Variants in PNLDC1 observed in about 807,000 individuals in gnomAD.
The protein encoded by PNLDC1 is PARN like ribonuclease domain containing exonuclease 1, also known as poly(A)-specific ribonuclease PNLDC1.
A neutral mutation model predicts 82.0 loss-of-function variants in PNLDC1; 70 were observed. The observed-to-expected ratio is 0.85, with a 90% CI of 0.70 to 1.04. The LOEUF is 1.04. PNLDC1 is among the 50% of genes least tolerant of loss of function. PNLDC1 has a pLI of 0.00. For synonymous variants in PNLDC1, 280 were observed against 249.3 expected (o/e 1.12, Z -1.16); for missense variants, 631 against 661.1 (o/e 0.95, Z 0.50).
chr6:159,816,109 C>G, intron 13 of PNLDC1, 76 bp downstream of exon 13: 1 of 1,346,556 alleles, frequency 7.4e-7, no homozygotes, highest in Non-Finnish European at 1.0e-6. Context: ...GTCCTTGACC[C>G]TGGTTCCCCC....
chr6:159,806,452 G>A (rs923193063), intron 7 of PNLDC1, among the ~76,000 whole-genome samples: 1 of 152,208 alleles, frequency 6.6e-6, no homozygotes, highest in Non-Finnish European at 1.5e-5. Flanking sequence ...GCAGCTCTCA[G>A]AGGCTGGTCT....
Position 159,804,604 on chromosome 6 carries a change from A to T in PNLDC1, c.428A>T (p.His143Leu). ...MNEEQEKKIR[H>L]DILTGNWRVR... ...GAAGAACAGGAGAAGAAAATTAGAC[A>T]CGATATCCTGACTGGGAACTGGAGA... Residue 143 changes from histidine (H) to leucine (L), a missense_variant, in exon 6 of 19, where the codon CAC becomes CTC. Coordinates refer to ENST00000392167, the MANE Select transcript of PNLDC1 (RefSeq NM_001271862.2). 1 of 1,611,434 alleles carries T rather than the reference A, an allele frequency of 6.2e-7. No individual in the cohort carries two copies. The highest frequency in any genetic ancestry group is 2.2e-5 in the East Asian group (1 of 44,852).
intron 9 of PNLDC1, 46 bp from the exon 10 acceptor site, chr6:159,809,980 A>G (rs549105279): frequency 1.3e-6 from 2 of 1,495,028 alleles, no homozygotes. Context: ...TAGTGTCTGG[A>G]TTACATTTTT....
intron 11 of PNLDC1, among the ~76,000 whole-genome samples, chr6:159,811,992 C>T (rs534502972): frequency 6.6e-6 from 1 of 152,132 alleles, no homozygotes; most frequent in Admixed American, 6.5e-5. Flanking sequence ...CTTTGACTCC[C>T]TTGTTCAAGC....
chr6:159,807,174 T>C (rs1407805878), intron 7 of PNLDC1, among the ~76,000 whole-genome samples: 4 of 152,196 alleles, frequency 2.6e-5, no homozygotes, highest in Admixed American at 1.3e-4. Flanking sequence ...ATAACAGGCA[T>C]GAGCCACCGC....
chr6:159,810,043 TATG>T lies in PNLDC1; in HGVS notation c.808_810del (p.Met270del). 4 of 1,614,116 alleles carry T rather than the reference TATG, an allele frequency of 2.5e-6. No homozygotes were observed. Among genetic ancestry groups the T allele is most frequent in the Non-Finnish European group, 3.4e-6 (4 of 1,179,948 alleles). ...CCAAGTAGCCCTTAGTGGGACATAATATGATGATGGACCTGCTGCACCTCCATG... is the reference window on the plus strand; with the variant it reads ...CCAAGTAGCCCTTAGTGGGACATAATATGATGGACCTGCTGCACCTCCATG... On this transcript the variant is annotated inframe_deletion, in exon 10 of 19. Coordinates refer to ENST00000392167, the MANE Select transcript of PNLDC1 (RefSeq NM_001271862.2).
intron 3 of PNLDC1, among the ~76,000 whole-genome samples, chr6:159,801,794 T>C (rs200958486): frequency 6.7e-6 from 1 of 149,832 alleles, no homozygotes; most frequent in Non-Finnish European, 1.5e-5. Flanking sequence ...TAATTTTTTT[T>C]AAGGTCATCT....
Position 159,800,791 on chromosome 6 carries a change from G to T in PNLDC1, c.96G>T (p.Thr32=). 2 of 1,614,154 alleles carry T rather than the reference G, an allele frequency of 1.2e-6. No individual in the cohort carries two copies. Among genetic ancestry groups the T allele is most frequent in the South Asian group, 2.2e-5 (2 of 91,074 alleles). Reference sequence around the variant, plus strand: ...TGGCAGGTCTGGACATAGAGTTCACGGGCCTTCGTTCTAACCTGTCTGGGC... The same window carrying T: ...TGGCAGGTCTGGACATAGAGTTCACTGGCCTTCGTTCTAACCTGTCTGGGC... ...ADFVGLDIEF[T]GLRSNLSGPQ... is the part of the protein sequence containing the mutation. The change falls in exon 2 of 19, where the codon ACG becomes ACT. Residue 32 remains threonine, a synonymous_variant. Coordinates refer to ENST00000392167, the MANE Select transcript of PNLDC1 (RefSeq NM_001271862.2).
At chr6:159,810,998 G>A (rs895612481) in intron 10 of PNLDC1, among the ~76,000 whole-genome samples, 6 of 152,200 alleles carry the variant, frequency 3.9e-5, no homozygotes, top group Non-Finnish European at 7.3e-5. Context: ...TGTGAATGAC[G>A]CGCGTGGGGC....
chr6:159,814,820 T>G (rs145592425), intron 12 of PNLDC1, among the ~76,000 whole-genome samples: 4 of 152,248 alleles, frequency 2.6e-5, no homozygotes, highest in African/African-American at 7.2e-5. Flanking sequence ...ACTCCAAGGT[T>G]GTTGTGAGGA....
chr6:159,818,205 C>G (rs1161603874), intron 15 of PNLDC1, among the ~76,000 whole-genome samples: 2 of 152,192 alleles, frequency 1.3e-5, no homozygotes, highest in Non-Finnish European at 2.9e-5. Flanking sequence ...CTTTTGGAAT[C>G]AAAGGTGATG....
intron 7 of PNLDC1, 78 bp from the exon 8 acceptor site, chr6:159,808,662 G>C (rs1459480275): frequency 5.2e-6 from 7 of 1,344,798 alleles, no homozygotes; most frequent in African/African-American, 4.4e-5. Context: ...CTCAGCTTCT[G>C]CTCCTCCAGG....
At position 159,800,807 on chromosome 6, in the gene PNLDC1, CT is replaced by C. The variant is rs1178379981; in HGVS notation, c.113del (p.Leu38ArgfsTer18). 1 of 1,614,078 alleles carries C rather than the reference CT, an allele frequency of 6.2e-7. No homozygotes were observed. The highest frequency in any genetic ancestry group is 8.5e-7 in the Non-Finnish European group (1 of 1,180,050). ...AGAGTTCACGGGCCTTCGTTCTAAC[CT>C]GTCTGGGCCCCAGCAGATCAGGTAA... ...DIEFTGLRSN[L>X]SGPQQISLFD... is the part of the protein sequence containing the mutation. On this transcript the variant is annotated frameshift_variant, in exon 2 of 19. Coordinates refer to ENST00000392167, the MANE Select transcript of PNLDC1 (RefSeq NM_001271862.2). LOFTEE classifies it high-confidence loss of function.
In PNLDC1 at chr6:159,814,959, C is replaced by A. The variant is rs1002956274; in HGVS notation, c.996-1010C>A. On this transcript the variant is annotated intron_variant, in intron 12 of 18. Transcript: ENST00000392167. ...ACAGCTCATGGCACACCCACGACGA[C>A]GACGCCTGTTTTACAGATGGGGACA... 2.6e-5 allele frequency among the ~76,000 whole-genome samples: 4 copies of A among 152,118 alleles called. No homozygotes were observed. In the South Asian group the frequency reaches 6.2e-4, roughly 24 times the overall value.
chr6:159,817,393 G>C (rs912624137), intron 15 of PNLDC1, among the ~76,000 whole-genome samples: 1 of 152,168 alleles, frequency 6.6e-6, no homozygotes, highest in Non-Finnish European at 1.5e-5. Context: ...CCTCATCCCC[G>C]CAGATGTCAG....
At chr6:159,815,160 C>G (rs982502755) in intron 12 of PNLDC1, among the ~76,000 whole-genome samples, 1 of 152,190 alleles carries the variant, frequency 6.6e-6, no homozygotes, top group African/African-American at 2.4e-5. Context: ...ATGGACTTGA[C>G]CCTGTAAGTC....
Position 159,819,312 on chromosome 6 carries a change from C to CAGT in PNLDC1, c.1492_1493insAGT (p.Arg498delinsGlnCys). On this transcript the variant is annotated protein_altering_variant, in exon 18 of 19. Transcript: ENST00000392167. The surrounding 1 kb of genome is among the most constrained non-coding windows in gnomAD (Gnocchi z 4.6). The stretch of plus-strand genomic sequence containing the variant: ...CCCGACCCTGTGCATCTCCCTGTAC[C>CAGT]GCTACTGGAGGCACTCCCCAAACGT... The CAGT allele has an allele frequency of 1.2e-6, 2 of 1,613,932 alleles. No homozygotes were observed. Among genetic ancestry groups the CAGT allele is most frequent in the Non-Finnish European group, 1.7e-6 (2 of 1,180,022 alleles).
At chr6:159,803,225 G>A in intron 3 of PNLDC1, 46 bp from the exon 4 acceptor site, 1 of 1,593,988 alleles carries the variant, frequency 6.3e-7, no homozygotes, top group Non-Finnish European at 8.6e-7. Flanking sequence ...GTGAAATTCA[G>A]GTTGCTTTTC....
chr6:159,817,570 G>A (rs1350632016), intron 15 of PNLDC1, among the ~76,000 whole-genome samples: 1 of 152,230 alleles, frequency 6.6e-6, no homozygotes, highest in Non-Finnish European at 1.5e-5. Context: ...CTTTGTTGGG[G>A]GCACATAGGC....
Sources: allele counts gnomAD v4.1 joint callset (sites outside exome capture counted in the v4.1 genomes callset), GRCh38; gene constraint gnomAD v4.1.1; non-coding constraint Gnocchi (gnomAD v3.1); transcripts MANE v1.5; gene names NCBI Gene and HGNC (gene_info 2026-07-23, HGNC 2026-07-21).